GREP1: variants seen among roughly 807,000 people sequenced by gnomAD.
GREP1 encodes glycine rich extracellular protein 1, also known as glycine-rich extracellular protein 1.
chr16:3,001,686 A>G (rs1181565201), exon 35 of GREP1: 1 of 398,882 alleles, frequency 2.5e-6, no homozygotes, highest in African/African-American at 2.1e-5. Context: ...TAGAACCACA[A>G]ACGTGCTTCC....
At chr16:2,995,574 C>T (rs922040259) in intron 15 of GREP1, 45 bp from the exon 16 acceptor site, 2 of 398,640 alleles carry the variant, frequency 5.0e-6, no homozygotes, top group African/African-American at 2.1e-5. Context: ...TTACCTCCAC[C>T]TCAACCAAAC....
At position 3,000,083 on chromosome 16, in the gene GREP1, C is replaced by T. The variant is rs2072451703; in HGVS notation, c.1232-3C>T. ...CTCTGAGTCACAGTTTTCTCTCCCC[C>T]AGGTTTTAATGGTGGCCTCGAGCCA... On this transcript the variant is annotated splice_region_variant and splice_polypyrimidine_tract_variant and intron_variant, in intron 28 of 34. Coordinates refer to ENST00000573315, the Ensembl canonical transcript of GREP1. 5.0e-6 allele frequency: 2 copies of T among 398,898 alleles called. No individual in the cohort carries two copies. The highest frequency in any genetic ancestry group is 8.8e-6 in the Non-Finnish European group (2 of 226,086). The allele number at this position is 398,898 out of a possible 1,614,324, so 24.7% of individuals were successfully genotyped here.
chr16:2,995,606 C>T lies in GREP1; in HGVS notation c.554-13C>T. The T allele has an allele frequency of 2.5e-6, 1 of 398,894 alleles. No individual in the cohort carries two copies. The highest frequency in any genetic ancestry group is 4.4e-6 in the Non-Finnish European group (1 of 226,100). The allele number at this position is 398,894 out of a possible 1,614,324, so 24.7% of individuals were successfully genotyped here. ...AAACCCCAAATCCCCACCCCACCCT[C>T]CTCTCCCCATAGTCTTGACAGCCCA... is the stretch of plus-strand genomic sequence containing the variant. On this transcript the variant is annotated splice_polypyrimidine_tract_variant and intron_variant, in intron 15 of 34. Transcript: ENST00000573315.
rs751745799 is a variant in GREP1, at chr16:2,999,963, A to G, written c.1231+20A>G. On this transcript the variant is annotated intron_variant, in intron 28 of 34. Transcript: ENST00000573315. ...AACCAGGTGAGGAGGCCCTTCCTGG[A>G]GTTCCTCCCCTCCCTTCCCTTCCTC... 2 of 399,064 alleles carry G rather than the reference A, an allele frequency of 5.0e-6. No homozygotes were observed. The allele number at this position is 399,064 out of a possible 1,614,324, so 24.7% of individuals were successfully genotyped here. A position where few individuals can be genotyped will look rare whatever the true frequency, so the allele number is the denominator to read the frequency against.
chr16:2,997,785 C>T lies in GREP1; in HGVS notation c.917-18C>T, dbSNP rs1366086396. ...TGAGGAGTGGGCATGGGTCCCTCACCTACTCGCATCTCTCCAGGTGCTGGA... is the reference window on the plus strand; with the variant it reads ...TGAGGAGTGGGCATGGGTCCCTCACTTACTCGCATCTCTCCAGGTGCTGGA... On this transcript the variant is annotated intron_variant, in intron 22 of 34. Coordinates refer to ENST00000573315, the Ensembl canonical transcript of GREP1. The T allele has an allele frequency of 5.0e-6, 2 of 398,274 alleles. No homozygotes were observed. Among genetic ancestry groups the T allele is most frequent in the African/African-American group, 4.1e-5 (2 of 48,540 alleles). The allele number at this position is 398,274 out of a possible 1,614,324, so 24.7% of individuals were successfully genotyped here. A position where few individuals can be genotyped will look rare whatever the true frequency, so the allele number is the denominator to read the frequency against.
At chr16:2,988,980 G>A (rs2151088635) in intron 2 of GREP1, 1 of 298,466 alleles carries the variant, frequency 3.4e-6, no homozygotes, top group East Asian at 5.3e-5. Flanking sequence ...AGGAGGTGGA[G>A]TGTCATGGAA....
chr16:2,993,538 G>C (rs1031140395), intron 10 of GREP1: 1 of 152,028 alleles, frequency 6.6e-6, no homozygotes, highest in Admixed American at 6.6e-5. Context: ...GTGGTGGCAC[G>C]TGCCTGTAGT....
chr16:2,999,168 T>C (rs1406718213), intron 26 of GREP1, 189 bp downstream of exon 24: 2 of 398,820 alleles, frequency 5.0e-6, no homozygotes, highest in Non-Finnish European at 8.8e-6. Context: ...GTCCCCAGTA[T>C]GGGAGTCCTT....
At chr16:2,990,241 T>G in intron 5 of GREP1, 119 bp downstream of exon 5, 1 of 397,916 alleles carries the variant, frequency 2.5e-6, no homozygotes, top group East Asian at 3.6e-5. Context: ...GTGTCTGGCT[T>G]AGTCCAAGGG....
chr16:2,990,398 G>C, intron 5 of GREP1, 154 bp from the exon 6 acceptor site: 1 of 398,982 alleles, frequency 2.5e-6, no homozygotes, highest in Non-Finnish European at 4.4e-6. Flanking sequence ...GGATTCTAGG[G>C]GTATCCCTGG....
rs994709047 is a variant in GREP1 at position 2,992,442 on chromosome 16, G to C, written c.323-363G>C. 4 of 177,562 alleles carry C rather than the reference G, an allele frequency of 2.3e-5. No homozygotes were observed. Among genetic ancestry groups the C allele is most frequent in the Admixed American group, 1.9e-4 (3 of 15,984 alleles). 11.0% of individuals were successfully genotyped at this position (177,562 alleles called of 1,614,324 possible). ...AACGGACCGGGAACCCAGCCAGGTC[G>C]GGGCCGAAGGGGCTGGGGTGGCTGG... On this transcript the variant is annotated intron_variant, in intron 8 of 34. Transcript: ENST00000573315. The surrounding 1 kb of genome is among the most constrained non-coding windows in gnomAD (Gnocchi z 4.9).
At chr16:2,990,490 G>C (rs2072393006) in intron 6 of GREP1, 62 bp from the exon 6 acceptor site, 1 of 399,258 alleles carries the variant, frequency 2.5e-6, no homozygotes, top group Non-Finnish European at 4.4e-6. Flanking sequence ...AAACCTAGGT[G>C]AGGCTCGCCC....
rs1039625914 is a variant in GREP1 at position 2,989,226 on chromosome 16, C to T, written c.101-297C>T. 3.6e-5 allele frequency: 13 copies of T among 364,718 alleles called. No individual in the cohort carries two copies. Among genetic ancestry groups the T allele is most frequent in the Middle Eastern group, 6.8e-4 (1 of 1,478 alleles). 22.6% of individuals were successfully genotyped at this position (364,718 alleles called of 1,614,324 possible). On this transcript the variant is annotated intron_variant, in intron 2 of 34. Coordinates refer to ENST00000573315, the Ensembl canonical transcript of GREP1. The surrounding 1 kb of genome is among the most constrained non-coding windows in gnomAD (Gnocchi z 4.2). ...CCCAGAGCCCTGGCTCAGACACCTTCCTCCAGGCCCAGGGGCCCTCTAGCC... is the reference window on the plus strand; with the variant it reads ...CCCAGAGCCCTGGCTCAGACACCTTTCTCCAGGCCCAGGGGCCCTCTAGCC...
intron 30 of GREP1, chr16:3,000,406 C>T (rs893986014): frequency 4.5e-5 from 18 of 399,058 alleles, no homozygotes; most frequent in African/African-American, 2.7e-4. Context: ...GGGCCCCAGC[C>T]CAGCCTCTGA....
chr16:2,990,340 G>A (rs1207228682), intron 5 of GREP1: 2 of 398,430 alleles, frequency 5.0e-6, no homozygotes, highest in Non-Finnish European at 8.8e-6. Context: ...CTTCCACTAA[G>A]AATGGCTATG....
At position 2,989,061 on chromosome 16, in the gene GREP1, C is replaced by G. The variant is rs1273765521; in HGVS notation, c.100+439C>G. ...GGGCTGCCCCTGAGCCCTGATGCAT[C>G]TGAGCTTCAGGAGAGAAAGATGGGG... On this transcript the variant is annotated intron_variant, in intron 2 of 34. Transcript: ENST00000573315. This position sits in a 1 kb window ranked among gnomAD's most constrained non-coding sequence, Gnocchi z 4.2. The G allele has an allele frequency of 4.2e-6, 1 of 237,778 alleles. No individual in the cohort carries two copies. The highest frequency in any genetic ancestry group is 5.7e-5 in the Admixed American group (1 of 17,602). The allele number at this position is 237,778 out of a possible 1,614,324, so 14.7% of individuals were successfully genotyped here. A position where few individuals can be genotyped will look rare whatever the true frequency, so the allele number is the denominator to read the frequency against.
intron 19 of GREP1, 45 bp downstream of exon 18, chr16:2,996,576 C>T (rs551591958): frequency 1.4e-4 from 55 of 399,224 alleles, no homozygotes; most frequent in Non-Finnish European, 2.1e-4. Flanking sequence ...GGAGGTGGGA[C>T]GGGAAGAGAG....
chr16:2,996,878 T>A, intron 20 of GREP1, 173 bp downstream of exon 19: 1 of 399,334 alleles, frequency 2.5e-6, no homozygotes, highest in Non-Finnish European at 4.4e-6. Flanking sequence ...GAGAGCCCCC[T>A]TCCTGGCCCC....
Position 3,001,547 on chromosome 16 carries a change from C to T in GREP1, c.1586-14C>T, listed in dbSNP as rs1325997592. The T allele has an allele frequency of 5.0e-6, 2 of 399,056 alleles. No individual in the cohort carries two copies. Among genetic ancestry groups the T allele is most frequent in the Admixed American group, 8.8e-5 (2 of 22,724 alleles). The allele number at this position is 399,056 out of a possible 1,614,324, so 24.7% of individuals were successfully genotyped here. On this transcript the variant is annotated splice_polypyrimidine_tract_variant and intron_variant, in intron 34 of 34. Coordinates refer to ENST00000573315, the Ensembl canonical transcript of GREP1. ...GGCCCCGCCCCTCCCTAGCCCAGCTCTATGTCTTCCCAGGCCGCTGCCCTC... is the reference window on the plus strand; with the variant it reads ...GGCCCCGCCCCTCCCTAGCCCAGCTTTATGTCTTCCCAGGCCGCTGCCCTC...
Sources: gnomAD v4.1 joint callset for allele counts on GRCh38, gnomAD v4.1.1 for gene constraint, Gnocchi (gnomAD v3.1) non-coding constraint, MANE v1.5 for transcripts, NCBI Gene and HGNC (gene_info 2026-07-23, HGNC 2026-07-21) for gene names.